The following RPGRIP1L variants were observed in gnomAD, a reference collection of about 807,000 sequenced individuals.
RPGRIP1L encodes the protein protein fantom.
RPGRIP1L carries 131 observed loss-of-function variants against 160.4 expected under a neutral mutation model. The ratio of observed to expected loss-of-function variants is 0.82; its 90% CI spans 0.71 to 0.94. The LOEUF (loss-of-function observed/expected upper bound fraction) is 0.94, where lower values mean the gene tolerates loss of function less well. Among genes scored for constraint, RPGRIP1L ranks in the 40% least tolerant of loss-of-function variants. The pLI is 0.00. For missense variants in RPGRIP1L, 1,522 were observed against 1,535.8 expected (o/e 0.99, Z 0.15); for synonymous variants, 510 against 515.8 (o/e 0.99, Z 0.15).
At chr16:53,628,008 T>C (rs1965290211) in intron 22 of RPGRIP1L, among the ~76,000 whole-genome samples, 1 of 152,224 alleles carries the variant, frequency 6.6e-6, no homozygotes, top group Non-Finnish European at 1.5e-5. Flanking sequence ...TATACATGCA[T>C]GATTCCCTTA....
intron 4 of RPGRIP1L, among the ~76,000 whole-genome samples, chr16:53,691,721 A>G (rs1256403045): frequency 1.3e-5 from 2 of 152,236 alleles, no homozygotes; most frequent in Non-Finnish European, 2.9e-5. Context: ...GTGATCATTC[A>G]TTACAGTAAA....
At chr16:53,689,064 ATATATATATATATGTTATATATATGT>A (rs1448978260) in intron 4 of RPGRIP1L, among the ~76,000 whole-genome samples, 3 of 133,680 alleles carry the variant, frequency 2.2e-5, no homozygotes, top group Non-Finnish European at 5.0e-5. Flanking sequence ...GCCAATGGCT[ATATATATATATATGTTATATATATGT>A]TATATATATA....
chr16:53,666,975 G>A (rs2151209872), intron 9 of RPGRIP1L, among the ~76,000 whole-genome samples: 1 of 152,170 alleles, frequency 6.6e-6, no homozygotes, highest in East Asian at 1.9e-4. Flanking sequence ...ACTGTATTCC[G>A]CTATGCTTAG....
At chr16:53,659,932 A>C (rs1480444514) in intron 10 of RPGRIP1L, 1 of 151,986 alleles carries the variant, frequency 6.6e-6, no homozygotes, top group Non-Finnish European at 1.5e-5. Flanking sequence ...TCATGCTACT[A>C]ATCAGTCGGA....
chr16:53,620,093 A>G (rs780254895), intron 23 of RPGRIP1L, among the ~76,000 whole-genome samples: 1 of 152,180 alleles, frequency 6.6e-6, no homozygotes, highest in Non-Finnish European at 1.5e-5. Flanking sequence ...TAAATTATAT[A>G]ACTTCAAATA....
At chr16:53,681,932 AAT>A (rs1186496118) in intron 6 of RPGRIP1L, among the ~76,000 whole-genome samples, 1 of 152,238 alleles carries the variant, frequency 6.6e-6, no homozygotes, top group Non-Finnish European at 1.5e-5. Context: ...GAAAAGTTTA[AAT>A]ATGTTTCCCA....
intron 18 of RPGRIP1L, 67 bp from the exon 19 acceptor site, chr16:53,641,183 CTAT>C: frequency 6.6e-7 from 1 of 1,521,166 alleles, no homozygotes. Flanking sequence ...AAGACTTTAG[CTAT>C]TATTATTATT....
At chr16:53,661,421 C>T (rs910543343) in intron 10 of RPGRIP1L, among the ~76,000 whole-genome samples, 2 of 151,634 alleles carry the variant, frequency 1.3e-5, no homozygotes, top group African/African-American at 4.8e-5. Context: ...ATGAGATAAA[C>T]TTTTTTGTTA....
At chr16:53,640,755 G>T (rs1323894049) in intron 19 of RPGRIP1L, among the ~76,000 whole-genome samples, 1 of 151,928 alleles carries the variant, frequency 6.6e-6, no homozygotes, top group African/African-American at 2.4e-5. Flanking sequence ...GAAGGAGACA[G>T]AATTTAGACA....
Position 53,648,958 on chromosome 16 carries a change from G to A in RPGRIP1L, c.2304+6C>T, listed in dbSNP as rs372830597. 21 of 1,612,858 alleles carry A rather than the reference G, an allele frequency of 1.3e-5. No individual in the cohort carries two copies. Among genetic ancestry groups the A allele is most frequent in the Non-Finnish European group, 1.8e-5 (21 of 1,179,058 alleles). On this transcript the variant is annotated splice_donor_region_variant and intron_variant, in intron 16 of 26. Transcript: ENST00000647211. ...ATAAAAGGGTCTTAAAGCCAAATGA[G>A]CTTACCGACTGCATATGCTCTGGCC...
Position 53,645,925 on chromosome 16 carries a change from T to G in RPGRIP1L, c.2383A>C (p.Thr795Pro). The G allele has an allele frequency of 6.2e-7, 1 of 1,614,170 alleles. No homozygotes were observed. The highest frequency in any genetic ancestry group is 1.1e-5 in the South Asian group (1 of 91,080). The change falls in exon 17 of 27, where the codon ACA becomes CCA. Residue 795 changes from threonine (T) to proline (P), a missense_variant. Transcript: ENST00000647211. ...TGCAGGTGGTTGCAACATCTTATTG[T>G]AATGTGAAGTTCATTTAAGTTGCCA... is the stretch of plus-strand genomic sequence containing the variant. ...TDGNLNELHI[T>P]IRCCNHLQSR...
At chr16:53,696,068 G>T in intron 3 of RPGRIP1L, 83 bp downstream of exon 3, 1 of 1,269,098 alleles carries the variant, frequency 7.9e-7, no homozygotes, top group Non-Finnish European at 1.1e-6. Flanking sequence ...TTCAAGGTGG[G>T]GTATTCAATT....
At chr16:53,635,644 G>A (rs979019702) in intron 22 of RPGRIP1L, 3 of 151,960 alleles carry the variant, frequency 2.0e-5, no homozygotes, top group African/African-American at 4.8e-5. Context: ...GTTTTAAAGA[G>A]AGATTAAACT....
At chr16:53,641,542 A>C in intron 17 of RPGRIP1L, 67 bp from the exon 18 acceptor site, 1 of 1,351,522 alleles carries the variant, frequency 7.4e-7, no homozygotes. Flanking sequence ...ATTAAAGAAC[A>C]AAGAACTACT....
At position 53,637,769 on chromosome 16, in the gene RPGRIP1L, T is replaced by C; in HGVS notation, c.3146A>G (p.Glu1049Gly). 6.2e-7 allele frequency: 1 copy of C among 1,613,104 alleles called. No homozygotes were observed. The highest frequency in any genetic ancestry group is 1.1e-5 in the South Asian group (1 of 91,076). ...QGKDDVSLLS[E>G]GQLAEQSLAS... The stretch of plus-strand genomic sequence containing the variant: ...CAAGCTTTGTTCTGCAAGCTGACCT[T>C]CAGATAGTAAAGACACATCATCTTT... Residue 1049 changes from glutamate to glycine, a missense_variant, in exon 21 of 27, where the codon GAA (glutamate) becomes GGA (glycine). Coordinates refer to ENST00000647211, the MANE Select transcript of RPGRIP1L (RefSeq NM_015272.5).
intron 15 of RPGRIP1L, among the ~76,000 whole-genome samples, chr16:53,650,609 G>T (rs1325063592): frequency 2.6e-5 from 4 of 152,120 alleles, no homozygotes; most frequent in Admixed American, 2.6e-4. Flanking sequence ...AGAATCTGCA[G>T]CCTTTGGTGA....
intron 9 of RPGRIP1L, among the ~76,000 whole-genome samples, chr16:53,665,683 A>G (rs940192807): frequency 2.0e-5 from 3 of 152,210 alleles, no homozygotes; most frequent in African/African-American, 7.2e-5. Flanking sequence ...AGCAGTTTAA[A>G]CCATGGTTAA....
At chr16:53,696,377 G>T in intron 2 of RPGRIP1L, 82 bp from the exon 3 acceptor site, 1 of 1,415,278 alleles carries the variant, frequency 7.1e-7, no homozygotes, top group Non-Finnish European at 1.0e-6. Context: ...AATCTCTGAT[G>T]CACTCATCTG....
chr16:53,656,879 A>C (rs1484506571), intron 13 of RPGRIP1L, among the ~76,000 whole-genome samples: 1 of 152,238 alleles, frequency 6.6e-6, no homozygotes, highest in East Asian at 1.9e-4. Context: ...ACTCACTCGC[A>C]GAATGTGCTA....
Sources: allele counts gnomAD v4.1 joint callset (sites outside exome capture counted in the v4.1 genomes callset), GRCh38; gene constraint gnomAD v4.1.1; transcripts MANE v1.5; gene names NCBI Gene and HGNC (gene_info 2026-07-23, HGNC 2026-07-21).